Variants in VTI1A observed in about 807,000 individuals in gnomAD.
The protein encoded by VTI1A is vesicle transport through interaction with t-SNAREs homolog 1A.
In VTI1A, 22 loss-of-function variants were observed where a neutral mutation model predicts 34.9. The ratio of observed to expected loss-of-function variants is 0.63; its 90% CI spans 0.45 to 0.90. The LOEUF (loss-of-function observed/expected upper bound fraction) is 0.90. Ranked by LOEUF, VTI1A falls within the 40% of genes least tolerant of loss-of-function variation. The pLI is 0.00. For synonymous variants in VTI1A, 87 were observed against 97.3 expected (o/e 0.89, Z 0.62); for missense variants, 268 against 275.6 (o/e 0.97, Z 0.20).
intron 5 of VTI1A, among the ~76,000 whole-genome samples, chr10:112,614,462 G>A (rs1308051634): frequency 3.9e-5 from 6 of 152,188 alleles, no homozygotes; most frequent in African/African-American, 1.2e-4. Flanking sequence ...GAAAGAGACC[G>A]CCCATGGCTT....
intron 3 of VTI1A, among the ~76,000 whole-genome samples, chr10:112,512,591 T>C (rs1849649623): frequency 6.6e-6 from 1 of 152,202 alleles, no homozygotes; most frequent in Admixed American, 6.5e-5. Context: ...TACCTATGCT[T>C]TTGAGATCTT....
At chr10:112,474,417 AT>A (rs1848209048) in intron 3 of VTI1A, among the ~76,000 whole-genome samples, 1 of 143,300 alleles carries the variant, frequency 7.0e-6, no homozygotes, top group African/African-American at 2.6e-5. Context: ...CATGCCCATT[AT>A]TTTCCTTGTT....
chr10:112,633,069 C>G (rs1846198115), intron 5 of VTI1A, among the ~76,000 whole-genome samples: 2 of 152,076 alleles, frequency 1.3e-5, no homozygotes, highest in South Asian at 2.1e-4. Context: ...TGCCAGTAAT[C>G]CCAGCACTTT....
intron 5 of VTI1A, among the ~76,000 whole-genome samples, chr10:112,644,307 G>C (rs542708461): frequency 6.6e-6 from 1 of 152,220 alleles, no homozygotes; most frequent in Non-Finnish European, 1.5e-5. Flanking sequence ...CAATTTTGTT[G>C]TAGTTCCTAG....
chr10:112,780,083 T>C (rs1852071264), intron 7 of VTI1A, among the ~76,000 whole-genome samples: 1 of 146,490 alleles, frequency 6.8e-6, no homozygotes, highest in East Asian at 2.0e-4. Context: ...TCGAGACCAG[T>C]CTGGGCAACA....
At chr10:112,567,036 A>G (rs1303068292) in intron 5 of VTI1A, among the ~76,000 whole-genome samples, 1 of 152,028 alleles carries the variant, frequency 6.6e-6, no homozygotes, top group East Asian at 1.9e-4. Context: ...AGATGCTATA[A>G]TGTAATTTAT....
At chr10:112,701,320 C>T (rs908467123) in intron 7 of VTI1A, among the ~76,000 whole-genome samples, 1 of 152,172 alleles carries the variant, frequency 6.6e-6, no homozygotes, top group Non-Finnish European at 1.5e-5. Context: ...GGATGCCTGA[C>T]TTGTGGATGT....
intron 4 of VTI1A, among the ~76,000 whole-genome samples, chr10:112,529,108 T>G (rs890400631): frequency 1.3e-5 from 2 of 152,136 alleles, no homozygotes; most frequent in Admixed American, 6.5e-5. Context: ...TTGGAGAACC[T>G]GAAGTTTACA....
intron 5 of VTI1A, among the ~76,000 whole-genome samples, chr10:112,566,865 G>A (rs1851921763): frequency 6.6e-6 from 1 of 152,054 alleles, no homozygotes; most frequent in Non-Finnish European, 1.5e-5. Context: ...GTTATGTGTG[G>A]GGCATGGGGG....
At chr10:112,527,215 TCACTGGCG>T (rs1446341552) in intron 4 of VTI1A, 51 bp downstream of exon 4, 1 of 1,527,056 alleles carries the variant, frequency 6.5e-7, no homozygotes, top group Non-Finnish European at 9.1e-7. Flanking sequence ...GTGAAGGAGG[TCACTGGCG>T]CACTGGGCTC....
At chr10:112,488,806 A>T (rs1256422915) in intron 3 of VTI1A, among the ~76,000 whole-genome samples, 1 of 152,238 alleles carries the variant, frequency 6.6e-6, no homozygotes, top group Non-Finnish European at 1.5e-5. Context: ...TAAGTATACC[A>T]TGAAAGGAAG....
At chr10:112,524,675 T>C (rs1009883723) in intron 3 of VTI1A, among the ~76,000 whole-genome samples, 6 of 152,184 alleles carry the variant, frequency 3.9e-5, no homozygotes, top group Admixed American at 1.3e-4. Flanking sequence ...TTTTGAAGTA[T>C]AGTAAATCAA....
intron 3 of VTI1A, among the ~76,000 whole-genome samples, chr10:112,526,879 T>C (rs1850246513): frequency 6.6e-6 from 1 of 152,182 alleles, no homozygotes; most frequent in Non-Finnish European, 1.5e-5. Context: ...CAGAGTTTCC[T>C]TTCATTATTG....
At chr10:112,554,936 A>G (rs1851491215) in intron 5 of VTI1A, among the ~76,000 whole-genome samples, 2 of 152,296 alleles carry the variant, frequency 1.3e-5, no homozygotes, top group South Asian at 2.1e-4. Flanking sequence ...CATGGTCCCA[A>G]CGTTCATGTG....
At chr10:112,572,568 G>A (rs1246058364) in intron 5 of VTI1A, among the ~76,000 whole-genome samples, 2 of 152,198 alleles carry the variant, frequency 1.3e-5, no homozygotes, top group African/African-American at 2.4e-5. Context: ...GTCAGGCATG[G>A]TGGCTCACGC....
intron 7 of VTI1A, among the ~76,000 whole-genome samples, chr10:112,673,356 T>C (rs1459600890): frequency 6.6e-6 from 1 of 150,452 alleles, no homozygotes; most frequent in African/African-American, 2.4e-5. Flanking sequence ...AAAGAAGGAA[T>C]GGCATAGATG....
the VTI1A span, among the ~76,000 whole-genome samples, chr10:112,829,903 T>C: frequency 6.6e-6 from 1 of 152,210 alleles, no homozygotes; most frequent in African/African-American, 2.4e-5. Context: ...CTTTATTCAG[T>C]CTGTGCACAA....
Position 112,497,790 on chromosome 10 carries a change from T to C in VTI1A, c.265-29297T>C, listed in dbSNP as rs553099906. The stretch of plus-strand genomic sequence containing the variant: ...ACTGATTCACCTTACTTTACCGTTA[T>C]TGTATTATATTTTCCAGCTCTAGAA... On this transcript the variant is annotated intron_variant, in intron 3 of 7. Transcript: ENST00000393077. Among the ~76,000 whole-genome samples the C allele has an allele frequency of 2.0e-5, 3 of 152,332 alleles. No individual in the cohort carries two copies. In the South Asian group the frequency reaches 6.2e-4, roughly 32 times the overall value.
the VTI1A span, chr10:112,831,936 A>T: frequency 1.3e-5 from 2 of 152,190 alleles, no homozygotes; most frequent in African/African-American, 4.8e-5. Context: ...AATGATCCAG[A>T]GGCTGAGGTT....
Sources: allele counts gnomAD v4.1 joint callset (sites outside exome capture counted in the v4.1 genomes callset), GRCh38; gene constraint gnomAD v4.1.1; transcripts MANE v1.5; gene names NCBI Gene and HGNC (gene_info 2026-07-23, HGNC 2026-07-21).